The following CTNND2 variants were observed in gnomAD, a reference collection of about 807,000 sequenced individuals.
CTNND2 encodes catenin delta-2.
In CTNND2, 22 loss-of-function variants were observed where a neutral mutation model predicts 144.4. The observed-to-expected ratio is 0.15, with a 90% CI of 0.11 to 0.22. CTNND2 has a LOEUF of 0.22. Among genes scored for constraint, CTNND2 ranks in the 10% least tolerant of loss-of-function variants. CTNND2 has a pLI of 1.00. For missense variants in CTNND2, 1,353 were observed against 1,618.8 expected (o/e 0.84, Z 2.82); for synonymous variants, 751 against 695.6 (o/e 1.08, Z -1.25).
At chr5:11,895,487 G>C (rs1030281825) in intron 1 of CTNND2, among the ~76,000 whole-genome samples, 1 of 152,176 alleles carries the variant, frequency 6.6e-6, no homozygotes, top group East Asian at 1.9e-4. Context: ...AAATGATGAA[G>C]TTGGGATATG....
intron 2 of CTNND2, among the ~76,000 whole-genome samples, chr5:11,695,713 A>T (rs1309143641): frequency 6.6e-6 from 1 of 152,202 alleles, no homozygotes; most frequent in East Asian, 1.9e-4. Flanking sequence ...TTATCATTTT[A>T]GTACTGAAGC....
At chr5:11,676,136 T>C (rs1784163634) in intron 2 of CTNND2, among the ~76,000 whole-genome samples, 1 of 151,976 alleles carries the variant, frequency 6.6e-6, no homozygotes, top group Non-Finnish European at 1.5e-5. Flanking sequence ...CACACATATA[T>C]AACATTTTCA....
rs555388304 is a variant in CTNND2, at chr5:11,404,602, C to CTTTTTTTTTTTTTTTT, written c.439+6918_439+6933dup. 1.0e-3 allele frequency among the ~76,000 whole-genome samples: 59 copies of CTTTTTTTTTTTTTTTT among 57,386 alleles called. 21 individuals are homozygous for CTTTTTTTTTTTTTTTT. The highest frequency in any genetic ancestry group is 1.5e-3 in the Non-Finnish European group (37 of 25,180). The allele number at this position is 57,386 out of a possible 152,430, so 37.6% of individuals were successfully genotyped here. On this transcript the variant is annotated intron_variant, in intron 5 of 21. Transcript: ENST00000304623. The stretch of plus-strand genomic sequence containing the variant: ...ATCAGTATCTGTCAGTATCTGTATT[C>CTTTTTTTTTTTTTTTT]TTTTTTTTTTTTTTTTTTTTTTTTT...
At chr5:11,659,075 T>C (rs1164030160) in intron 2 of CTNND2, among the ~76,000 whole-genome samples, 2 of 152,144 alleles carry the variant, frequency 1.3e-5, no homozygotes, top group Admixed American at 1.3e-4. Context: ...ACCCTTTGTA[T>C]TCACGGTTCC....
At chr5:11,380,357 T>C (rs546331706) in intron 7 of CTNND2, among the ~76,000 whole-genome samples, 19 of 152,326 alleles carry the variant, frequency 1.2e-4, no homozygotes, top group Admixed American at 5.9e-4. Flanking sequence ...CTAAATAATA[T>C]GAGTTAACTT....
At chr5:11,359,047 G>A (rs542614198) in intron 8 of CTNND2, among the ~76,000 whole-genome samples, 1 of 152,154 alleles carries the variant, frequency 6.6e-6, no homozygotes, top group African/African-American at 2.4e-5. Flanking sequence ...TGTTTGTGTT[G>A]GTCAAATAAC....
At chr5:11,162,932 CAT>C (rs1491279284) in intron 11 of CTNND2, among the ~76,000 whole-genome samples, 26,260 of 151,122 alleles carry the variant, frequency 0.17, 3,615 homozygotes, top group East Asian at 0.42. Context: ...CACACACACA[CAT>C]GTCTTGACTG....
chr5:11,391,735 T>C (rs1319940002), intron 6 of CTNND2, among the ~76,000 whole-genome samples: 5 of 152,322 alleles, frequency 3.3e-5, no homozygotes. Flanking sequence ...AAAGCTAATA[T>C]GTAACATAAA....
At chr5:11,553,487 G>A (rs924567756) in intron 3 of CTNND2, among the ~76,000 whole-genome samples, 1 of 152,222 alleles carries the variant, frequency 6.6e-6, no homozygotes, top group Non-Finnish European at 1.5e-5. Context: ...GTTGGTATGT[G>A]AGATGGTTTA....
intron 1 of CTNND2, among the ~76,000 whole-genome samples, chr5:11,878,161 T>C (rs1735698351): frequency 6.6e-6 from 1 of 152,222 alleles, no homozygotes; most frequent in Non-Finnish European, 1.5e-5. Flanking sequence ...AATGTGATTA[T>C]ATCCTTTCTA....
chr5:11,608,453 C>G (rs1780168545), intron 2 of CTNND2, among the ~76,000 whole-genome samples: 1 of 152,126 alleles, frequency 6.6e-6, no homozygotes, highest in African/African-American at 2.4e-5. Context: ...TCCACCTTTC[C>G]TCTCTCCCAG....
At chr5:11,093,518 T>C (rs1751003346) in intron 15 of CTNND2, among the ~76,000 whole-genome samples, 1 of 152,146 alleles carries the variant, frequency 6.6e-6, no homozygotes, top group Non-Finnish European at 1.5e-5. Flanking sequence ...AAAAAGTGTT[T>C]AGGGCCATTA....
intron 2 of CTNND2, among the ~76,000 whole-genome samples, chr5:11,676,767 T>C (rs1784196128): frequency 6.6e-6 from 1 of 152,292 alleles, no homozygotes; most frequent in Non-Finnish European, 1.5e-5. Flanking sequence ...ATAAGTTGTA[T>C]TTTACGTTCT....
intron 16 of CTNND2, among the ~76,000 whole-genome samples, chr5:11,048,502 C>T (rs903640087): frequency 2.0e-5 from 3 of 152,138 alleles, no homozygotes; most frequent in South Asian, 2.1e-4. Flanking sequence ...TTTCAGAGAG[C>T]GTTAGCCACA....
intron 1 of CTNND2, among the ~76,000 whole-genome samples, chr5:11,890,662 A>T (rs1472231103): frequency 6.6e-6 from 1 of 152,218 alleles, no homozygotes; most frequent in Non-Finnish European, 1.5e-5. Flanking sequence ...CATTTTAATG[A>T]TCAACCTTCG....
intron 1 of CTNND2, among the ~76,000 whole-genome samples, chr5:11,778,346 TG>T (rs1330294045): frequency 1.3e-5 from 2 of 151,950 alleles, no homozygotes; most frequent in Admixed American, 1.3e-4. Flanking sequence ...AGAAGACAGG[TG>T]TGAGAACTAA....
intron 2 of CTNND2, among the ~76,000 whole-genome samples, chr5:11,599,854 G>C (rs932322585): frequency 6.6e-6 from 1 of 152,084 alleles, no homozygotes; most frequent in Non-Finnish European, 1.5e-5. Flanking sequence ...GCATGCCCAG[G>C]AACCATAAAA....
intron 3 of CTNND2, among the ~76,000 whole-genome samples, chr5:11,516,527 T>C (rs1177715658): frequency 6.6e-6 from 1 of 152,112 alleles, no homozygotes; most frequent in Non-Finnish European, 1.5e-5. Flanking sequence ...TTAAAAATTG[T>C]TTGCATTTCT....
intron 14 of CTNND2, among the ~76,000 whole-genome samples, chr5:11,108,822 G>A (rs61754608): frequency 5.9e-5 from 9 of 152,232 alleles, no homozygotes; most frequent in East Asian, 1.9e-4. Context: ...TCCAAACCAC[G>A]CTGAAACAGT....
Sources: gnomAD v4.1 joint callset for allele counts (sites outside exome capture counted in the v4.1 genomes callset) on GRCh38, gnomAD v4.1.1 for gene constraint, MANE v1.5 for transcripts, NCBI Gene and HGNC (gene_info 2026-07-23, HGNC 2026-07-21) for gene names.